The following GABRA5 variants were observed in gnomAD, a reference collection of about 807,000 sequenced individuals.
The protein encoded by GABRA5 is gamma-aminobutyric acid receptor subunit alpha-5.
In GABRA5, 18 loss-of-function variants were observed where a neutral mutation model predicts 47.3. The observed-to-expected ratio is 0.38, with a 90% CI of 0.26 to 0.56. GABRA5 has a LOEUF of 0.56. Ranked by LOEUF, GABRA5 falls within the 20% of genes least tolerant of loss-of-function variation. The probability of loss-of-function intolerance (pLI) is 0.71; values close to 1 mark genes in which losing one functional copy is unlikely to be tolerated. For missense variants in GABRA5, 365 were observed against 599.3 expected, an observed-to-expected ratio of 0.61 and a Z score of 4.08; for synonymous variants, 237 against 229.3, an observed-to-expected ratio of 1.03 and a Z score of -0.30.
intron 7 of GABRA5, among the ~76,000 whole-genome samples, chr15:26,935,679 A>G (rs1457666379): frequency 6.6e-6 from 1 of 152,174 alleles, no homozygotes; most frequent in Non-Finnish European, 1.5e-5. Context: ...ATCGCGTCTC[A>G]TGTCCTCAGT....
At chr15:26,927,598 T>A (rs1332474377) in intron 7 of GABRA5, among the ~76,000 whole-genome samples, 3 of 152,218 alleles carry the variant, frequency 2.0e-5, no homozygotes. Flanking sequence ...GTTATATGAT[T>A]TCAGCTCAGC....
intron 6 of GABRA5, among the ~76,000 whole-genome samples, chr15:26,886,811 G>A (rs1892891628): frequency 6.6e-6 from 1 of 152,152 alleles, no homozygotes; most frequent in African/African-American, 2.4e-5. Context: ...GAGCTGCAAG[G>A]TTGATAATGA....
chr15:26,891,617 G>A (rs1248508689), intron 6 of GABRA5, among the ~76,000 whole-genome samples: 2 of 152,192 alleles, frequency 1.3e-5, no homozygotes, highest in Non-Finnish European at 2.9e-5. Context: ...CGGATTCACC[G>A]AAGCACGTTT....
rs1358081270 is a variant in GABRA5, at chr15:26,895,193, C to A, written c.497+11636C>A. On this transcript the variant is annotated intron_variant, in intron 6 of 10. Coordinates refer to ENST00000335625, the MANE Select transcript of GABRA5 (RefSeq NM_000810.4). ...GACCCCACCTGCCGCCCCCTTCACC[C>A]TTCAGTCCCCCCACCTCATAGATGG... is the stretch of plus-strand genomic sequence containing the variant. Among the ~76,000 whole-genome samples the A allele has an allele frequency of 3.3e-5, 5 of 152,212 alleles. No homozygotes were observed. In the East Asian group the frequency reaches 9.7e-4, roughly 30 times the overall value.
At chr15:26,946,387 CCT>C (rs561563565) in intron 10 of GABRA5, among the ~76,000 whole-genome samples, 1 of 151,778 alleles carries the variant, frequency 6.6e-6, no homozygotes. Context: ...CCACCTGTCA[CCT>C]CTCTCTCTAT....
intron 7 of GABRA5, among the ~76,000 whole-genome samples, chr15:26,930,115 C>A (rs542104923): frequency 6.6e-6 from 1 of 151,382 alleles, no homozygotes; most frequent in African/African-American, 2.4e-5. Context: ...CGGGTTCAAG[C>A]GATTCTCCTG....
At chr15:26,932,046 G>A (rs985725863) in intron 7 of GABRA5, among the ~76,000 whole-genome samples, 5 of 152,158 alleles carry the variant, frequency 3.3e-5, no homozygotes, top group Admixed American at 6.5e-5. Flanking sequence ...TGCTATTCAC[G>A]ATATAGGCAT....
At chr15:26,939,617 G>C (rs1359914622) in intron 8 of GABRA5, 2 of 600,812 alleles carry the variant, frequency 3.3e-6, no homozygotes, top group African/African-American at 3.7e-5. Context: ...TGCAGAAGCA[G>C]GCGAGGGAGT....
intron 10 of GABRA5, among the ~76,000 whole-genome samples, chr15:26,944,590 C>G (rs1894466608): frequency 6.6e-6 from 1 of 152,110 alleles, no homozygotes; most frequent in South Asian, 2.1e-4. Context: ...GTGATAGGGA[C>G]TCGGGGGCTG....
chr15:26,933,484 A>C (rs535234974), intron 7 of GABRA5, among the ~76,000 whole-genome samples: 7 of 152,334 alleles, frequency 4.6e-5, no homozygotes, highest in Admixed American at 3.3e-4. Context: ...CTTGCTTCTC[A>C]CTGCTGTCTG....
chr15:26,869,850 A>G (rs1259504716), intron 3 of GABRA5, among the ~76,000 whole-genome samples: 1 of 152,244 alleles, frequency 6.6e-6, no homozygotes, highest in Non-Finnish European at 1.5e-5. Flanking sequence ...CAGACACCAT[A>G]AACCACAGGT....
intron 7 of GABRA5, among the ~76,000 whole-genome samples, chr15:26,936,182 C>G (rs1462726726): frequency 1.3e-5 from 2 of 152,174 alleles, no homozygotes; most frequent in Non-Finnish European, 1.5e-5. Context: ...CTGAGGCCTC[C>G]CCAGCCATGT....
At chr15:26,926,780 G>A (rs1234566456) in intron 7 of GABRA5, among the ~76,000 whole-genome samples, 2 of 152,140 alleles carry the variant, frequency 1.3e-5, no homozygotes, top group Non-Finnish European at 2.9e-5. Flanking sequence ...TTGATCATTG[G>A]TTAAGTTCAA....
intron 6 of GABRA5, among the ~76,000 whole-genome samples, chr15:26,900,110 A>G (rs939124332): frequency 5.3e-5 from 8 of 152,108 alleles, no homozygotes; most frequent in African/African-American, 1.2e-4. Context: ...ATTTATAACA[A>G]TCTGGTTTGG....
chr15:26,883,319 T>G lies in GABRA5; in HGVS notation c.277-18T>G. The stretch of plus-strand genomic sequence containing the variant: ...GGCCCCGTGCCCTCTGACTGCCTCG[T>G]GCCTTCCTTTCCACTAGGAGTACAC... On this transcript the variant is annotated intron_variant, in intron 5 of 10. Transcript: ENST00000335625. This position sits in a 1 kb window ranked among gnomAD's most constrained non-coding sequence, Gnocchi z 4.8. 1 of 1,613,658 alleles carries G rather than the reference T, an allele frequency of 6.2e-7. No homozygotes were observed. Among genetic ancestry groups the G allele is most frequent in the Non-Finnish European group, 8.5e-7 (1 of 1,179,576 alleles).
In GABRA5 at chr15:26,937,221, C is replaced by T. The variant is rs1246515506; in HGVS notation, c.617C>T (p.Thr206Ile). The change falls in exon 8 of 11, where the codon ACC (threonine) becomes ATC (isoleucine). Residue 206 changes from threonine to isoleucine, a missense_variant. Thr to Ile is a moderately conservative substitution (Grantham distance 89). This residue lies in a region of GABRA5 where 216 missense variants were observed against 335.3 expected (regional missense o/e 0.64). Coordinates refer to ENST00000335625, the MANE Select transcript of GABRA5 (RefSeq NM_000810.4). Reference sequence around the variant, plus strand: ...AATTCTGAAGTCGTTTACGTCTGGACCAACGGCTCCACCAAGTCGGTGGTG... The same window carrying T: ...AATTCTGAAGTCGTTTACGTCTGGATCAACGGCTCCACCAAGTCGGTGGTG... ...YPNSEVVYVW[T>I]NGSTKSVVVA... 1.2e-6 allele frequency: 2 copies of T among 1,613,996 alleles called. No homozygotes were observed. The highest frequency in any genetic ancestry group is 1.3e-5 in the African/African-American group (1 of 75,062).
chr15:26,891,187 T>A (rs1452044246), intron 6 of GABRA5, among the ~76,000 whole-genome samples: 1 of 152,276 alleles, frequency 6.6e-6, no homozygotes, highest in South Asian at 2.1e-4. Flanking sequence ...CAGGACCACA[T>A]CACCCTTTGC....
At chr15:26,912,328 A>G (rs2140292252) in intron 6 of GABRA5, among the ~76,000 whole-genome samples, 1 of 152,308 alleles carries the variant, frequency 6.6e-6, no homozygotes, top group Admixed American at 6.5e-5. Flanking sequence ...AACACATCTG[A>G]CCCGTTGAGA....
At chr15:26,880,380 G>A (rs565113727) in intron 3 of GABRA5, among the ~76,000 whole-genome samples, 7 of 152,194 alleles carry the variant, frequency 4.6e-5, no homozygotes, top group East Asian at 1.9e-4. Flanking sequence ...GATGCAGTGA[G>A]GTTTGGGAAC....
Sources: allele counts gnomAD v4.1 joint callset (sites outside exome capture counted in the v4.1 genomes callset), GRCh38; gene constraint gnomAD v4.1.1; regional missense constraint gnomAD v4.1.1; non-coding constraint Gnocchi (gnomAD v3.1); transcripts MANE v1.5; gene names NCBI Gene and HGNC (gene_info 2026-07-23, HGNC 2026-07-21).